The following PRKCE variants were observed in gnomAD, a reference collection of about 807,000 sequenced individuals.
The protein encoded by PRKCE is protein kinase C epsilon type.
PRKCE carries 16 observed loss-of-function variants against 85.4 expected under a neutral mutation model. The observed-to-expected ratio is 0.19, with a 90% CI of 0.13 to 0.28. The LOEUF is 0.28. PRKCE is among the 10% of genes least tolerant of loss of function. PRKCE has a pLI of 1.00. For synonymous variants in PRKCE, 388 were observed against 371.5 expected (o/e 1.04, Z -0.51); for missense variants, 573 against 975.2 (o/e 0.59, Z 5.49).
intron 11 of PRKCE, among the ~76,000 whole-genome samples, chr2:46,109,962 T>A (rs922730907): frequency 4.6e-5 from 7 of 152,158 alleles, no homozygotes; most frequent in African/African-American, 1.7e-4. Flanking sequence ...TATGATCAAA[T>A]GATTTTTCTT....
chr2:46,038,484 G>C (rs1449473426), intron 10 of PRKCE, among the ~76,000 whole-genome samples: 1 of 152,092 alleles, frequency 6.6e-6, no homozygotes, highest in African/African-American at 2.4e-5. Flanking sequence ...ACTACTGCTA[G>C]CTCCCAAGCA....
Position 45,823,386 on chromosome 2 carries a change from T to A in PRKCE, c.349-19614T>A, listed in dbSNP as rs1450201749. On this transcript the variant is annotated intron_variant, in intron 1 of 14. Transcript: ENST00000306156. ...CACCCCTAGTAGCTGAGCTGTTGAA[T>A]TACTTTCGCAGACAGGCTATTGAAA... Among the ~76,000 whole-genome samples, 6 of 152,374 alleles carry A rather than the reference T, an allele frequency of 3.9e-5. No homozygotes were observed. The East Asian group carries it at 1.2e-3, about 29-fold the overall frequency.
intron 1 of PRKCE, among the ~76,000 whole-genome samples, chr2:45,695,638 T>C (rs1572968624): frequency 6.6e-6 from 1 of 152,160 alleles, no homozygotes; most frequent in Non-Finnish European, 1.5e-5. Flanking sequence ...CCGGGTGTGA[T>C]GGTATGTGCT....
In PRKCE at chr2:45,766,525, A is replaced by T. The variant is rs910487568; in HGVS notation, c.349-76475A>T. Among the ~76,000 whole-genome samples, 3 of 152,110 alleles carry T rather than the reference A, an allele frequency of 2.0e-5. No homozygotes were observed. The East Asian group carries it at 5.8e-4, about 29-fold the overall frequency. On this transcript the variant is annotated intron_variant, in intron 1 of 14. Transcript: ENST00000306156. The stretch of plus-strand genomic sequence containing the variant: ...AATGGGGACACGGAGACAGAGAGAG[A>T]TAGTTGAGGGAAGCATGATAAACAA...
At chr2:45,773,684 G>C (rs1485767983) in intron 1 of PRKCE, among the ~76,000 whole-genome samples, 6 of 152,218 alleles carry the variant, frequency 3.9e-5, no homozygotes, top group Non-Finnish European at 8.8e-5. Context: ...AGTAGGCCTT[G>C]GCCTGGGGAA....
chr2:45,946,735 T>G (rs1700270061), intron 2 of PRKCE, among the ~76,000 whole-genome samples: 1 of 152,202 alleles, frequency 6.6e-6, no homozygotes, highest in Non-Finnish European at 1.5e-5. Flanking sequence ...ATAGCTCCCC[T>G]GCCTGCCCCA....
At chr2:46,050,736 T>G (rs1708802196) in intron 10 of PRKCE, among the ~76,000 whole-genome samples, 1 of 152,224 alleles carries the variant, frequency 6.6e-6, no homozygotes, top group South Asian at 2.1e-4. Context: ...GATGGACCTT[T>G]GATTTCTTTT....
intron 2 of PRKCE, among the ~76,000 whole-genome samples, chr2:45,918,338 T>C (rs1697990929): frequency 6.6e-6 from 1 of 152,272 alleles, no homozygotes; most frequent in Admixed American, 6.5e-5. Flanking sequence ...GCTTTAGCTT[T>C]CTCTTGTCTA....
chr2:45,733,765 G>A (rs1157018508), intron 1 of PRKCE, among the ~76,000 whole-genome samples: 2 of 152,118 alleles, frequency 1.3e-5, no homozygotes, highest in African/African-American at 2.4e-5. Flanking sequence ...GGAAGCGCTC[G>A]GGGCTTCAAG....
chr2:46,129,054 A>G (rs577515529), intron 11 of PRKCE, among the ~76,000 whole-genome samples: 35 of 152,252 alleles, frequency 2.3e-4, no homozygotes, highest in African/African-American at 6.3e-4. Context: ...TCCCACTCCT[A>G]TACTAGCTGT....
At chr2:45,808,208 T>C (rs957720461) in intron 1 of PRKCE, among the ~76,000 whole-genome samples, 3 of 152,114 alleles carry the variant, frequency 2.0e-5, no homozygotes, top group African/African-American at 7.2e-5. Context: ...ACCAACCAGT[T>C]CTTTGCTTCC....
rs531603520 is a variant in PRKCE, at chr2:45,652,478, G to T, written c.348+30G>T. 2 of 1,562,884 alleles carry T rather than the reference G, an allele frequency of 1.3e-6. No homozygotes were observed. The highest frequency in any genetic ancestry group is 1.8e-5 in the Admixed American group (1 of 56,744). The stretch of plus-strand genomic sequence containing the variant: ...GTGCGGCGCCTCCCCGTCATTCCGG[G>T]AACCCGGTTGTGGGGTCCCGGGGAA... On this transcript the variant is annotated intron_variant, in intron 1 of 14. Transcript: ENST00000306156. The surrounding 1 kb of genome is among the most constrained non-coding windows in gnomAD (Gnocchi z 7.7).
At chr2:45,966,417 G>T (rs902838902) in intron 2 of PRKCE, among the ~76,000 whole-genome samples, 7 of 152,138 alleles carry the variant, frequency 4.6e-5, no homozygotes, top group African/African-American at 1.7e-4. Flanking sequence ...ATACACTTAA[G>T]GTGCTTGGAA....
chr2:46,169,885 G>A (rs925904011), intron 14 of PRKCE, among the ~76,000 whole-genome samples: 2 of 152,192 alleles, frequency 1.3e-5, no homozygotes, highest in Non-Finnish European at 1.5e-5. Context: ...AGTGAGCTAA[G>A]GGGAAGTGTT....
rs1684992979 is a variant in PRKCE at position 45,767,334 on chromosome 2, C to A, written c.349-75666C>A. ...CACAGCAATGGCTCCTTTTAACCAACCTCTTAATGGGCAATTTTAAGTACT... is the reference window on the plus strand; with the variant it reads ...CACAGCAATGGCTCCTTTTAACCAAACTCTTAATGGGCAATTTTAAGTACT... On this transcript the variant is annotated intron_variant, in intron 1 of 14. Transcript: ENST00000306156. Among the ~76,000 whole-genome samples the A allele has an allele frequency of 2.6e-5, 4 of 152,188 alleles. No homozygotes were observed. In the South Asian group the frequency reaches 8.3e-4, roughly 32 times the overall value.
chr2:46,156,599 CA>C (rs1677231926), intron 13 of PRKCE, among the ~76,000 whole-genome samples: 1 of 152,168 alleles, frequency 6.6e-6, no homozygotes, highest in African/African-American at 2.4e-5. Flanking sequence ...TGTCTGCATC[CA>C]AAAATGGCTC....
At chr2:45,852,478 C>A (rs1692349313) in intron 2 of PRKCE, among the ~76,000 whole-genome samples, 1 of 152,144 alleles carries the variant, frequency 6.6e-6, no homozygotes, top group Non-Finnish European at 1.5e-5. Context: ...GAGTCTATTG[C>A]CTGCGCAGGC....
chr2:46,082,062 C>T (rs949355688), intron 10 of PRKCE, among the ~76,000 whole-genome samples: 1 of 152,146 alleles, frequency 6.6e-6, no homozygotes, highest in Admixed American at 6.5e-5. Flanking sequence ...CCATTACACT[C>T]CAGCCTGGGT....
In PRKCE at chr2:45,949,848, A is replaced by T. The variant is rs116823613; in HGVS notation, c.413-26581A>T. On this transcript the variant is annotated intron_variant, in intron 2 of 14. Transcript: ENST00000306156. ...CATGTTTTAATTGCTTTGACTGTGAAATTTTGATATTTGATAGCGAAGCCT... is the reference window on the plus strand; with the variant it reads ...CATGTTTTAATTGCTTTGACTGTGATATTTTGATATTTGATAGCGAAGCCT... Among the ~76,000 whole-genome samples, 672 of 150,332 alleles carry T rather than the reference A, an allele frequency of 4.5e-3. 5 individuals carry two copies. The highest frequency in any genetic ancestry group is 0.017 in the Middle Eastern group (5 of 290).
Sources: allele counts gnomAD v4.1 joint callset (sites outside exome capture counted in the v4.1 genomes callset), GRCh38; gene constraint gnomAD v4.1.1; non-coding constraint Gnocchi (gnomAD v3.1); transcripts MANE v1.5; gene names NCBI Gene and HGNC (gene_info 2026-07-23, HGNC 2026-07-21).